Variants in GPR158 observed in about 807,000 individuals in gnomAD.
GPR158 encodes G protein-coupled receptor 158, also known as metabotropic glycine receptor.
In GPR158, 30 loss-of-function variants were observed where a neutral mutation model predicts 78.2. That is an observed-to-expected ratio of 0.38 (90% CI 0.29 to 0.52). The LOEUF is 0.52. GPR158 is among the 20% of genes least tolerant of loss of function. The pLI is 0.83. For synonymous variants in GPR158, 581 were observed against 591.1 expected (o/e 0.98, Z 0.25); for missense variants, 1,463 against 1,523.5 (o/e 0.96, Z 0.66).
At chr10:25,408,440 T>C (rs1193206973) in intron 3 of GPR158, among the ~76,000 whole-genome samples, 1 of 152,166 alleles carries the variant, frequency 6.6e-6, no homozygotes, top group Non-Finnish European at 1.5e-5. Flanking sequence ...TTCCATCTTG[T>C]CCAGAAGGGG....
chr10:25,456,169 G>A (rs772057353), intron 4 of GPR158, among the ~76,000 whole-genome samples: 1 of 152,020 alleles, frequency 6.6e-6, no homozygotes, highest in Non-Finnish European at 1.5e-5. Flanking sequence ...TTGCAAATAG[G>A]GGGCATCTGT....
chr10:25,398,299 T>C (rs1285722313), intron 3 of GPR158, among the ~76,000 whole-genome samples: 1 of 152,212 alleles, frequency 6.6e-6, no homozygotes, highest in African/African-American at 2.4e-5. Flanking sequence ...ACAATAGCAA[T>C]CCTGGTAATA....
intron 5 of GPR158, among the ~76,000 whole-genome samples, chr10:25,521,196 T>C (rs947553217): frequency 2.4e-4 from 37 of 152,336 alleles, no homozygotes; most frequent in Non-Finnish European, 2.6e-4. Context: ...GCTTCCCAGG[T>C]GAGGCAATGC....
At chr10:25,380,493 A>C (rs1209025105) in intron 2 of GPR158, among the ~76,000 whole-genome samples, 1 of 152,106 alleles carries the variant, frequency 6.6e-6, no homozygotes, top group East Asian at 1.9e-4. Flanking sequence ...TTTTTTTAGT[A>C]TTACAATTAG....
intron 5 of GPR158, among the ~76,000 whole-genome samples, chr10:25,515,973 T>A (rs1184399203): frequency 6.6e-5 from 10 of 151,088 alleles, no homozygotes; most frequent in Non-Finnish European, 1.0e-4. Flanking sequence ...TGAACTAGTT[T>A]ACAGTCCCAC....
chr10:25,462,151 A>G (rs187544832), intron 4 of GPR158, among the ~76,000 whole-genome samples: 68 of 152,310 alleles, frequency 4.5e-4, no homozygotes, highest in African/African-American at 1.5e-3. Flanking sequence ...GTTAAAGCCA[A>G]TGCTCATTGA....
chr10:25,357,952 G>C (rs1041375254), intron 2 of GPR158, among the ~76,000 whole-genome samples: 41 of 152,108 alleles, frequency 2.7e-4, no homozygotes, highest in African/African-American at 8.9e-4. Context: ...GCTATACCCT[G>C]CAAAACCATA....
chr10:25,338,564 G>GTATATTATTATATATCATACATATTATA (rs1855257701), intron 2 of GPR158, among the ~76,000 whole-genome samples: 2 of 130,542 alleles, frequency 1.5e-5, no homozygotes, highest in Non-Finnish European at 3.3e-5. Context: ...AATACGTATT[G>GTATATTATTATATATCATACATATTATA]TATATTATTA....
intron 4 of GPR158, among the ~76,000 whole-genome samples, chr10:25,437,052 G>A (rs1417026180): frequency 6.6e-6 from 1 of 152,140 alleles, no homozygotes; most frequent in African/African-American, 2.4e-5. Context: ...AATTAAGAAG[G>A]AGGAGGCCTA....
At chr10:25,362,354 G>A (rs1251496276) in intron 2 of GPR158, among the ~76,000 whole-genome samples, 2 of 151,716 alleles carry the variant, frequency 1.3e-5, no homozygotes, top group African/African-American at 4.8e-5. Flanking sequence ...TTTTATTATG[G>A]TGGTTTTATA....
At chr10:25,590,397 A>G (rs1837326008) in intron 8 of GPR158, among the ~76,000 whole-genome samples, 1 of 152,132 alleles carries the variant, frequency 6.6e-6, no homozygotes, top group African/African-American at 2.4e-5. Flanking sequence ...ATATAAGATT[A>G]TAAATACGCA....
chr10:25,539,516 T>C lies in GPR158; in HGVS notation c.1405-11460T>C, dbSNP rs371504286. On this transcript the variant is annotated intron_variant, in intron 5 of 10. Transcript: ENST00000376351. The stretch of plus-strand genomic sequence containing the variant: ...CCTTGGTTTTTAGACCTGTAACCCC[T>C]TTTAATTTTTTTTTTTTTTTGGACA... Among the ~76,000 whole-genome samples the C allele has an allele frequency of 6.4e-3, 816 of 126,842 alleles. 4 individuals are homozygous for C. The highest frequency in any genetic ancestry group is 0.022 in the African/African-American group (775 of 34,824). 83.2% of individuals were successfully genotyped at this position (126,842 alleles called of 152,430 possible).
At chr10:25,342,709 G>GATT (rs1319373331) in intron 2 of GPR158, among the ~76,000 whole-genome samples, 5 of 151,170 alleles carry the variant, frequency 3.3e-5, no homozygotes, top group African/African-American at 1.2e-4. Context: ...TAGGAACAGA[G>GATT]ATTAGTACCT....
chr10:25,176,376 T>C lies in GPR158; in HGVS notation c.902+54T>C. ...GGCAAAAGCGAAGCTTTCCTTCCGG[T>C]CTTGTGGGTGGGTGCACGTGTGAGG... On this transcript the variant is annotated intron_variant, in intron 1 of 10. Coordinates refer to ENST00000376351, the MANE Select transcript of GPR158 (RefSeq NM_020752.3). This position sits in a 1 kb window ranked among gnomAD's most constrained non-coding sequence, Gnocchi z 6.3. 1 of 1,362,004 alleles carries C rather than the reference T, an allele frequency of 7.3e-7. No individual in the cohort carries two copies. The highest frequency in any genetic ancestry group is 1.0e-6 in the Non-Finnish European group (1 of 1,001,480). 84.4% of individuals were successfully genotyped at this position (1,362,004 alleles called of 1,614,324 possible).
chr10:25,366,054 A>T lies in GPR158; in HGVS notation c.1009-29857A>T, dbSNP rs533359113. Among the ~76,000 whole-genome samples, 5 of 151,856 alleles carry T rather than the reference A, an allele frequency of 3.3e-5. No individual in the cohort carries two copies. In the East Asian group the frequency reaches 9.7e-4, roughly 30 times the overall value. On this transcript the variant is annotated intron_variant, in intron 2 of 10. Transcript: ENST00000376351. Reference sequence around the variant, plus strand: ...CATCCATCTTGTATATAACACTAATATATTTACTTTTATTGTTGTATAGTA... The same window carrying T: ...CATCCATCTTGTATATAACACTAATTTATTTACTTTTATTGTTGTATAGTA...
At chr10:25,315,084 G>T (rs572998272) in intron 2 of GPR158, among the ~76,000 whole-genome samples, 1 of 151,334 alleles carries the variant, frequency 6.6e-6, no homozygotes, top group Non-Finnish European at 1.5e-5. Context: ...ATGTGCACTC[G>T]AGATGAAAGT....
chr10:25,492,662 TG>T (rs1395212455), intron 5 of GPR158, among the ~76,000 whole-genome samples: 1 of 152,040 alleles, frequency 6.6e-6, no homozygotes, highest in African/African-American at 2.4e-5. Flanking sequence ...GAACATTTAA[TG>T]TGAACGTGGT....
Position 25,292,268 on chromosome 10 carries a change from G to A in GPR158, c.1008+71111G>A, listed in dbSNP as rs528374597. Among the ~76,000 whole-genome samples the A allele has an allele frequency of 2.2e-4, 34 of 152,070 alleles. No individual in the cohort carries two copies. The South Asian group carries it at 2.7e-3, about 12-fold the overall frequency. ...AATTCCGTGTCCTTTGAATTCTTAC[G>A]AAACATTTTTAATGAATCAGTTTTC... On this transcript the variant is annotated intron_variant, in intron 2 of 10. Coordinates refer to ENST00000376351, the MANE Select transcript of GPR158 (RefSeq NM_020752.3).
intron 5 of GPR158, among the ~76,000 whole-genome samples, chr10:25,479,172 G>A (rs956316452): frequency 1.1e-4 from 16 of 151,864 alleles, no homozygotes; most frequent in African/African-American, 2.9e-4. Flanking sequence ...TGTATTTTAC[G>A]ATAAGCATTA....
Sources: allele counts gnomAD v4.1 joint callset (sites outside exome capture counted in the v4.1 genomes callset), GRCh38; gene constraint gnomAD v4.1.1; non-coding constraint Gnocchi (gnomAD v3.1); transcripts MANE v1.5; gene names NCBI Gene and HGNC (gene_info 2026-07-23, HGNC 2026-07-21).